The following CSTF2 variants were observed in gnomAD, a reference collection of about 807,000 sequenced individuals.
CSTF2 encodes cleavage stimulation factor subunit 2.
In CSTF2, 8 loss-of-function variants were observed where a neutral mutation model predicts 45.4. The ratio of observed to expected loss-of-function variants is 0.18; its 90% CI spans 0.10 to 0.32. The LOEUF is 0.32. Ranked by LOEUF, CSTF2 falls within the 10% of genes least tolerant of loss-of-function variation. CSTF2 has a pLI of 1.00. For missense variants in CSTF2, 253 were observed against 477.1 expected (o/e 0.53, Z 4.38); for synonymous variants, 155 against 158.9 (o/e 0.98, Z 0.18).
At chrX:100,832,930 A>G in intron 10 of CSTF2, 21 bp downstream of exon 10, 1 of 1,170,479 alleles carries the variant, frequency 8.5e-7, no homozygotes, top group Non-Finnish European at 1.1e-6. Context: ...ATCACATTGC[A>G]AATGCCATAA....
In CSTF2 at chrX:100,832,779, C is replaced by A. The variant is rs769306149; in HGVS notation, c.1077C>A (p.Val359=). The A allele has an allele frequency of 2.5e-6, 3 of 1,211,479 alleles. No homozygotes were observed. In the Admixed American group the frequency reaches 6.5e-5, roughly 26 times the overall value. The stretch of plus-strand genomic sequence containing the variant: ...ATCAGGGTCCACCCATGCACCATGT[C>A]CCTGGCCATGAGAGCCGAGGACCAC... ...PPHQGPPMHH[V]PGHESRGPPP... is the part of the protein sequence containing the mutation. The change falls in exon 10 of 14, where the codon GTC becomes GTA. Residue 359 remains valine (V), a synonymous_variant. Coordinates refer to ENST00000372972, the MANE Select transcript of CSTF2 (RefSeq NM_001325.3).
In CSTF2 at chrX:100,828,092, A is replaced by G; in HGVS notation, c.879A>G (p.Glu293=). The change falls in exon 8 of 14, where the codon GAA becomes GAG. Residue 293 remains glutamate (E), a synonymous_variant. Transcript: ENST00000372972. ...GMPGSGPVSM[E]RGQVPMQDPR... is the part of the protein sequence containing the mutation. ...CAGGAAGTGGACCAGTGTCCATGGA[A>G]CGGGGGCAAGGTAAATAAATATTAA... 1 of 1,201,074 alleles carries G rather than the reference A, an allele frequency of 8.3e-7. No individual in the cohort carries two copies. Among genetic ancestry groups the G allele is most frequent in the Non-Finnish European group, 1.1e-6 (1 of 888,756 alleles).
chrX:100,829,966 CTAAG>C (rs1387040991), intron 8 of CSTF2, among the ~76,000 whole-genome samples: 1 of 112,279 alleles, frequency 8.9e-6, no homozygotes, highest in Non-Finnish European at 1.9e-5. Context: ...CATGCAGAGA[CTAAG>C]TGAGATGAGC....
chrX:100,823,548 C>A, intron 4 of CSTF2, 120 bp downstream of exon 4: 1 of 793,124 alleles, frequency 1.3e-6, no homozygotes, highest in Non-Finnish European at 1.8e-6. Context: ...CTTGCACCTT[C>A]AATATTCTGT....
Position 100,833,448 on chromosome X carries a change from G to A in CSTF2, c.1476G>A (p.Ala492=), listed in dbSNP as rs150067535. The change falls in exon 11 of 14, where the codon GCG becomes GCA. Residue 492 remains alanine, a synonymous_variant. Transcript: ENST00000372972. ...GTCCCAGTCCAATTAACATGGGGGC[G>A]GTTGTCCCCCAGGGATCCAGACAGG... ...MQGPSPINMG[A]VVPQGSRQVP... 70 of 1,205,629 alleles carry A rather than the reference G, an allele frequency of 5.8e-5. No individual in the cohort carries two copies. The highest frequency in any genetic ancestry group is 3.0e-4 in the African/African-American group (17 of 57,093).
intron 6 of CSTF2, 139 bp downstream of exon 6, chrX:100,824,396 T>G (rs993447764): frequency 3.8e-5 from 25 of 655,624 alleles, no homozygotes; most frequent in Non-Finnish European, 5.5e-5. Context: ...ATTTCCAGGT[T>G]GCAGAGCACA....
At chrX:100,822,532 G>T (rs961767243) in intron 3 of CSTF2, 112 bp downstream of exon 3, 5 of 763,785 alleles carry the variant, frequency 6.5e-6, no homozygotes, top group South Asian at 5.2e-5. Flanking sequence ...CACGCAGCTT[G>T]TTTATTACTT....
chrX:100,830,271 G>A (rs140909281), intron 8 of CSTF2, among the ~76,000 whole-genome samples: 2,474 of 111,885 alleles, frequency 0.022, 67 homozygotes, highest in African/African-American at 0.076. Context: ...TTCATTCACT[G>A]CATTTCCCCA....
chrX:100,825,943 T>C (rs1312184866), intron 6 of CSTF2, among the ~76,000 whole-genome samples: 1 of 112,046 alleles, frequency 8.9e-6, no homozygotes, highest in East Asian at 2.8e-4. Context: ...ATACAGCTCT[T>C]CCTTTTCTTT....
chrX:100,830,720 C>A (rs1054710403), intron 8 of CSTF2: 1 of 700,547 alleles, frequency 1.4e-6, no homozygotes, highest in Admixed American at 3.0e-5. Context: ...ATGTAAATCT[C>A]AATCTCCATG....
At chrX:100,821,791 T>A (rs1306956682) in intron 2 of CSTF2, among the ~76,000 whole-genome samples, 186 bp downstream of exon 2, 1 of 112,548 alleles carries the variant, frequency 8.9e-6, no homozygotes, top group African/African-American at 3.2e-5. Context: ...AATATGTTTT[T>A]TTCGTTAAAA....
chrX:100,823,830 A>G, intron 4 of CSTF2, 56 bp from the exon 5 acceptor site: 4 of 1,157,379 alleles, frequency 3.5e-6, no homozygotes, highest in Non-Finnish European at 4.7e-6. Context: ...ATGGCTCTAA[A>G]TCACTATCAG....
At chrX:100,836,590 AC>A (rs1374501386) in intron 11 of CSTF2, among the ~76,000 whole-genome samples, 1 of 112,000 alleles carries the variant, frequency 8.9e-6, no homozygotes, top group East Asian at 2.8e-4. Flanking sequence ...GGACATTCTA[AC>A]AGTTAGATTT....
intron 9 of CSTF2, 149 bp downstream of exon 9, chrX:100,831,805 C>T: frequency 1.8e-6 from 1 of 554,507 alleles, no homozygotes; most frequent in Non-Finnish European, 2.9e-6. Context: ...GTAAGCACTT[C>T]TCCTAAGGCA....
chrX:100,835,547 CTT>C (rs3031093), intron 11 of CSTF2, among the ~76,000 whole-genome samples: 3 of 100,786 alleles, frequency 3.0e-5, no homozygotes, highest in Non-Finnish European at 2.0e-5. Context: ...TGTTCTATAC[CTT>C]TTTTTTTTTT....
chrX:100,837,333 A>C lies in CSTF2; in HGVS notation c.1501-6A>C, dbSNP rs761852750. ...AAAAATCTCTCTTTTCTCTTTGTAC[A>C]CATAGGTCCCAGTCATGCAGGGAAC... On this transcript the variant is annotated splice_region_variant and splice_polypyrimidine_tract_variant and intron_variant, in intron 11 of 13. Coordinates refer to ENST00000372972, the MANE Select transcript of CSTF2 (RefSeq NM_001325.3). 1 of 1,180,737 alleles carries C rather than the reference A, an allele frequency of 8.5e-7. No homozygotes were observed. Among genetic ancestry groups the C allele is most frequent in the African/African-American group, 1.8e-5 (1 of 56,463 alleles).
intron 7 of CSTF2, among the ~76,000 whole-genome samples, chrX:100,827,344 G>A (rs2084950907): frequency 8.9e-6 from 1 of 112,384 alleles, no homozygotes; most frequent in Admixed American, 9.4e-5. Flanking sequence ...ATTAATAAGA[G>A]TATTGCTCAT....
intron 8 of CSTF2, among the ~76,000 whole-genome samples, chrX:100,831,102 A>G (rs2084972969): frequency 9.0e-6 from 1 of 111,295 alleles, no homozygotes; most frequent in Non-Finnish European, 1.9e-5. Flanking sequence ...CTCCCTCCCT[A>G]CTGGTGTCAG....
rs771691143 is a variant in CSTF2 at position 100,827,983 on chromosome X, T to C, written c.827-57T>C. ...TTTGTAAACTCAGCCACTGTTCTAATTTTTCTTTTCCGCTGTTCTAATTGG... is the reference window on the plus strand; with the variant it reads ...TTTGTAAACTCAGCCACTGTTCTAACTTTTCTTTTCCGCTGTTCTAATTGG... On this transcript the variant is annotated intron_variant, in intron 7 of 13. Coordinates refer to ENST00000372972, the MANE Select transcript of CSTF2 (RefSeq NM_001325.3). 70 of 1,046,623 alleles carry C rather than the reference T, an allele frequency of 6.7e-5. 1 individual carries two copies. The South Asian group carries it at 1.4e-3, about 21-fold the overall frequency. The allele number at this position is 1,046,623 out of a possible 1,213,427, so 86.3% of individuals were successfully genotyped here.
Sources: allele counts gnomAD v4.1 joint callset (sites outside exome capture counted in the v4.1 genomes callset), GRCh38; gene constraint gnomAD v4.1.1; transcripts MANE v1.5; gene names NCBI Gene and HGNC (gene_info 2026-07-23, HGNC 2026-07-21).